CDC45: variants seen among roughly 807,000 people sequenced by gnomAD.
CDC45 encodes the protein cell division control protein 45 homolog.
CDC45 carries 54 observed loss-of-function variants against 77.8 expected under a neutral mutation model. That is an observed-to-expected ratio of 0.69 (90% CI 0.56 to 0.87). The LOEUF (loss-of-function observed/expected upper bound fraction) is 0.87. CDC45 is among the 40% of genes least tolerant of loss of function. The pLI, the probability that CDC45 is intolerant of heterozygous loss-of-function variation, is 0.00. For missense variants in CDC45, 649 were observed against 721.6 expected, an observed-to-expected ratio of 0.90 and a Z score of 1.15; for synonymous variants, 260 against 272.1, an observed-to-expected ratio of 0.96 and a Z score of 0.44.
chr22:19,499,093 T>C lies in CDC45; in HGVS notation c.654-8T>C. On this transcript the variant is annotated splice_region_variant and splice_polypyrimidine_tract_variant and intron_variant, in intron 8 of 18. Coordinates refer to ENST00000263201, the MANE Select transcript of CDC45 (RefSeq NM_003504.5). ...ATAGGCCGGCTCCACTGCCTTCTCTTCTTCCAGGTGGGCCATCGTTGGACT... is the reference window on the plus strand; with the variant it reads ...ATAGGCCGGCTCCACTGCCTTCTCTCCTTCCAGGTGGGCCATCGTTGGACT... 6.2e-7 allele frequency: 1 copy of C among 1,614,088 alleles called. No homozygotes were observed. The highest frequency in any genetic ancestry group is 1.1e-5 in the South Asian group (1 of 91,084).
intron 5 of CDC45, among the ~76,000 whole-genome samples, chr22:19,491,493 T>C (rs1479343262): frequency 6.6e-6 from 1 of 152,190 alleles, no homozygotes; most frequent in Non-Finnish European, 1.5e-5. Flanking sequence ...GGGTTAATAC[T>C]TATTTTCTTT....
chr22:19,480,073 G>A (rs1051107766), intron 1 of CDC45, 54 bp downstream of exon 1: 4 of 1,612,806 alleles, frequency 2.5e-6, no homozygotes, highest in Non-Finnish European at 2.5e-6. Context: ...GAAGGGATGA[G>A]GGGGAGCGAC....
chr22:19,487,792 G>T (rs1212573637), intron 5 of CDC45, among the ~76,000 whole-genome samples: 1 of 150,870 alleles, frequency 6.6e-6, no homozygotes, highest in East Asian at 2.0e-4. Context: ...GGAGCCTGTA[G>T]TCCCAGCTAC....
intron 6 of CDC45, 32 bp from the exon 7 acceptor site, chr22:19,495,949 C>T (rs200771303): frequency 8.3e-4 from 1,288 of 1,556,628 alleles, no homozygotes; most frequent in Non-Finnish European, 1.1e-3. Context: ...CTGCTACTTC[C>T]TGTTGAAGAC....
intron 9 of CDC45, among the ~76,000 whole-genome samples, chr22:19,501,640 C>T (rs1006451796): frequency 6.6e-6 from 1 of 152,210 alleles, no homozygotes; most frequent in African/African-American, 2.4e-5. Context: ...ACATTTCATG[C>T]ATTTTTAAGT....
chr22:19,491,863 G>A (rs2090158603), intron 5 of CDC45, among the ~76,000 whole-genome samples: 1 of 151,108 alleles, frequency 6.6e-6, no homozygotes, highest in South Asian at 2.1e-4. Context: ...GTCTCACTCT[G>A]TCTCCCAGGC....
chr22:19,509,041 A>G (rs999579668), intron 13 of CDC45, among the ~76,000 whole-genome samples: 1 of 151,790 alleles, frequency 6.6e-6, no homozygotes, highest in Non-Finnish European at 1.5e-5. Flanking sequence ...TTAATTTTCC[A>G]ATTCTTTCTT....
Position 19,507,516 on chromosome 22 carries a change from G to A in CDC45, c.955G>A (p.Gly319Ser), listed in dbSNP as rs763894654. The change falls in exon 11 of 19, where the codon GGT becomes AGT. Residue 319 changes from glycine (G) to serine (S), a missense_variant and splice_region_variant. By Grantham distance (56) the Gly-to-Ser change is moderately conservative (BLOSUM62 0). Coordinates refer to ENST00000263201, the MANE Select transcript of CDC45 (RefSeq NM_003504.5). ...GCTCCAGGAGTTCCTTGCAGACATG[G>A]GGTGAGTGACTGCCTGGGCCTCTGC... ...KRLQEFLADM[G>S]LPLKQVKQKF... 1 of 1,614,086 alleles carries A rather than the reference G, an allele frequency of 6.2e-7. No homozygotes were observed. Among genetic ancestry groups the A allele is most frequent in the Non-Finnish European group, 8.5e-7 (1 of 1,180,026 alleles).
At chr22:19,507,646 C>G in intron 11 of CDC45, 120 bp from the exon 12 acceptor site, 1 of 1,375,458 alleles carries the variant, frequency 7.3e-7, no homozygotes, top group Admixed American at 2.0e-5. Flanking sequence ...TGCCCTAGAT[C>G]CCAGAATATC....
chr22:19,491,967 C>G (rs1343585627), intron 5 of CDC45, among the ~76,000 whole-genome samples: 1 of 151,986 alleles, frequency 6.6e-6, no homozygotes, highest in African/African-American at 2.4e-5. Flanking sequence ...CCATGCCTGG[C>G]TACTTTTTTT....
chr22:19,512,567 CCAT>C (rs2146431494), intron 13 of CDC45, among the ~76,000 whole-genome samples: 1 of 152,228 alleles, frequency 6.6e-6, no homozygotes, highest in East Asian at 1.9e-4. Flanking sequence ...ACTGTTGCTG[CCAT>C]CATCCCAGCA....
intron 5 of CDC45, among the ~76,000 whole-genome samples, chr22:19,488,320 A>G (rs2090104488): frequency 6.6e-6 from 1 of 152,242 alleles, no homozygotes; most frequent in Non-Finnish European, 1.5e-5. Flanking sequence ...AGTGAGGATG[A>G]CATCTTTTTG....
At chr22:19,495,195 A>G (rs918136228) in intron 6 of CDC45, among the ~76,000 whole-genome samples, 10 of 152,232 alleles carry the variant, frequency 6.6e-5, no homozygotes, top group African/African-American at 1.9e-4. Context: ...ACTTGTGCAT[A>G]TTTTACATGA....
chr22:19,512,756 T>C (rs1401616381), intron 13 of CDC45, among the ~76,000 whole-genome samples: 1 of 152,214 alleles, frequency 6.6e-6, no homozygotes, highest in East Asian at 1.9e-4. Flanking sequence ...CTCCCTACTT[T>C]GTAAGAAAAG....
At chr22:19,507,660 T>C in intron 11 of CDC45, 106 bp from the exon 12 acceptor site, 9 of 1,348,850 alleles carry the variant, frequency 6.7e-6, no homozygotes, top group South Asian at 1.3e-5. Flanking sequence ...GAATATCTTC[T>C]GAATGCTGGT....
chr22:19,489,746 G>A (rs1236416560), intron 5 of CDC45, among the ~76,000 whole-genome samples: 1 of 152,194 alleles, frequency 6.6e-6, no homozygotes, highest in Admixed American at 6.5e-5. Flanking sequence ...TCAAAAAAAT[G>A]CATAGTCTGC....
chr22:19,485,254 C>T (rs899195614), intron 5 of CDC45, among the ~76,000 whole-genome samples: 1 of 152,218 alleles, frequency 6.6e-6, no homozygotes, highest in Non-Finnish European at 1.5e-5. Context: ...TCCACTCTGA[C>T]TAATAAACAA....
At chr22:19,512,165 C>G (rs1933551676) in intron 13 of CDC45, among the ~76,000 whole-genome samples, 1 of 152,158 alleles carries the variant, frequency 6.6e-6, no homozygotes. Flanking sequence ...CCCCCTTATA[C>G]TTTACCAGGC....
intron 5 of CDC45, among the ~76,000 whole-genome samples, chr22:19,492,012 G>C (rs2090160821): frequency 6.6e-6 from 1 of 151,924 alleles, no homozygotes; most frequent in African/African-American, 2.4e-5. Flanking sequence ...TTCCATGTTG[G>C]CCAGGCTGGT....
Sources: allele counts gnomAD v4.1 joint callset (sites outside exome capture counted in the v4.1 genomes callset), GRCh38; gene constraint gnomAD v4.1.1; transcripts MANE v1.5; gene names NCBI Gene and HGNC (gene_info 2026-07-23, HGNC 2026-07-21).